SEL1L2: variants seen among roughly 807,000 people sequenced by gnomAD.
The protein encoded by SEL1L2 is protein sel-1 homolog 2.
In SEL1L2, 89 loss-of-function variants were observed where a neutral mutation model predicts 98.8. The ratio of observed to expected loss-of-function variants is 0.90; its 90% CI spans 0.76 to 1.07. The LOEUF (loss-of-function observed/expected upper bound fraction) is 1.07. Among genes scored for constraint, SEL1L2 ranks in the 50% least tolerant of loss-of-function variants. The pLI, the probability that SEL1L2 is intolerant of heterozygous loss-of-function variation, is 0.00. For missense variants in SEL1L2, 788 were observed against 812.0 expected (o/e 0.97, Z 0.36); for synonymous variants, 262 against 278.5 (o/e 0.94, Z 0.59).
At chr20:13,868,927 A>C (rs887040023) in intron 14 of SEL1L2, among the ~76,000 whole-genome samples, 9 of 151,196 alleles carry the variant, frequency 6.0e-5, no homozygotes, top group Non-Finnish European at 1.5e-5. Flanking sequence ...CAGGTTTCTC[A>C]CTGCATTTCA....
rs373938617 is a variant in SEL1L2, at chr20:13,866,873, G to A, written c.1256-23C>T. ...CAGCTGAAAATTAAAATTGTTTTGAGCCACCCCTTATTGACTTTATTTTTT... is the reference window on the plus strand; with the variant it reads ...CAGCTGAAAATTAAAATTGTTTTGAACCACCCCTTATTGACTTTATTTTTT... On this transcript the variant is annotated intron_variant, in intron 14 of 19. Transcript: ENST00000284951. 41 of 1,590,874 alleles carry A rather than the reference G, an allele frequency of 2.6e-5. No individual in the cohort carries two copies. In the East Asian group the frequency reaches 3.0e-4, roughly 11 times the overall value.
chr20:13,849,392 C>T lies in SEL1L2; in HGVS notation c.*93G>A, dbSNP rs1327674884. ...CACAGCCCTGAGCGGGAAACTGCAGCGGACTCTTGATTTGGATGGGAAACT... is the reference window on the plus strand; with the variant it reads ...CACAGCCCTGAGCGGGAAACTGCAGTGGACTCTTGATTTGGATGGGAAACT... On this transcript the variant is annotated 3_prime_UTR_variant, in exon 20 of 20. Coordinates refer to ENST00000284951, the MANE Select transcript of SEL1L2 (RefSeq NM_025229.2). 63 of 1,493,234 alleles carry T rather than the reference C, an allele frequency of 4.2e-5. 1 individual carries two copies. The highest frequency in any genetic ancestry group is 1.4e-4 in the East Asian group (6 of 43,970). The allele number at this position is 1,493,234 out of a possible 1,614,324, so 92.5% of individuals were successfully genotyped here. A position where few individuals can be genotyped will look rare whatever the true frequency, so the allele number is the denominator to read the frequency against.
At chr20:13,888,145 C>G in intron 6 of SEL1L2, 144 bp from the exon 7 acceptor site, 1 of 713,774 alleles carries the variant, frequency 1.4e-6, no homozygotes, top group South Asian at 1.9e-5. Context: ...ATTTCACTCT[C>G]CTTTGTAAAG....
chr20:13,933,035 C>G (rs569876208), intron 2 of SEL1L2, among the ~76,000 whole-genome samples: 1 of 151,832 alleles, frequency 6.6e-6, no homozygotes, highest in Non-Finnish European at 1.5e-5. Context: ...TGGTGAAACC[C>G]CGTCTCTACT....
intron 5 of SEL1L2, among the ~76,000 whole-genome samples, chr20:13,906,227 T>A (rs2047925148): frequency 6.6e-6 from 1 of 152,208 alleles, no homozygotes; most frequent in African/African-American, 2.4e-5. Flanking sequence ...TTTAAGGAAC[T>A]GTTACAGTAG....
At chr20:13,886,659 G>C (rs189583444) in intron 8 of SEL1L2, among the ~76,000 whole-genome samples, 2 of 152,014 alleles carry the variant, frequency 1.3e-5, no homozygotes, top group African/African-American at 4.8e-5. Context: ...AGGCAGAGGC[G>C]GGCAAATCAC....
intron 3 of SEL1L2, among the ~76,000 whole-genome samples, chr20:13,927,337 C>T (rs562358521): frequency 5.8e-4 from 88 of 152,326 alleles, no homozygotes; most frequent in African/African-American, 2.0e-3. Flanking sequence ...TTTCTTCATT[C>T]CAACTATGCG....
At chr20:13,917,726 A>T (rs1382125947) in intron 4 of SEL1L2, among the ~76,000 whole-genome samples, 1 of 151,028 alleles carries the variant, frequency 6.6e-6, no homozygotes, top group East Asian at 1.9e-4. Flanking sequence ...TTCTGTGTGA[A>T]AACAAGAGAT....
At chr20:13,977,226 T>C (rs1415495702) in intron 1 of SEL1L2, among the ~76,000 whole-genome samples, 4 of 151,868 alleles carry the variant, frequency 2.6e-5, no homozygotes, top group Non-Finnish European at 2.9e-5. Context: ...TTGTGGGGCT[T>C]GGGTGAGAGC....
At position 13,849,534 on chromosome 20, in the gene SEL1L2, C is replaced by T; in HGVS notation, c.2018G>A (p.Gly673Asp). The change falls in exon 20 of 20, where the codon GGC (glycine) becomes GAC (aspartate). Residue 673 changes from glycine (G) to aspartate (D), a missense_variant. Transcript: ENST00000284951. The part of the protein sequence containing the change: ...IGPHWDLFVI[G>D]LIVPGLILLL... ...CAAAATCAGCCCAGGAACAATGAGG[C>T]CAATCACAAATAAGTCCCAGTGTGG... 2 of 1,614,084 alleles carry T rather than the reference C, an allele frequency of 1.2e-6. No individual in the cohort carries two copies. The highest frequency in any genetic ancestry group is 8.5e-7 in the Non-Finnish European group (1 of 1,179,976).
intron 1 of SEL1L2, among the ~76,000 whole-genome samples, chr20:13,973,992 T>C (rs960721246): frequency 1.1e-4 from 17 of 152,238 alleles, no homozygotes; most frequent in African/African-American, 4.1e-4. Context: ...TGTGCCCTTA[T>C]TTTAAGAGTA....
At position 13,919,035 on chromosome 20, in the gene SEL1L2, T is replaced by A. The variant is rs200767636; in HGVS notation, c.372A>T (p.Gln124His). ...GIKVLQQSKS[Q>H]KQKEEAYLLF... ...TAAAGACTTACTCTTCTTTTTGTTTTTGGCTTTTAGACTGCTGGAGAACCT... is the reference window on the plus strand; with the variant it reads ...TAAAGACTTACTCTTCTTTTTGTTTATGGCTTTTAGACTGCTGGAGAACCT... Residue 124 changes from glutamine (Q) to histidine (H), a missense_variant, in exon 4 of 20, where the codon CAA (glutamine) becomes CAT (histidine). Physicochemically the swap from Gln to His is conservative, Grantham distance 24 (BLOSUM62 0). Transcript: ENST00000284951. 923 of 1,611,372 alleles carry A rather than the reference T, an allele frequency of 5.7e-4. No homozygotes were observed. Among genetic ancestry groups the A allele is most frequent in the Non-Finnish European group, 7.4e-4 (873 of 1,178,660 alleles).
chr20:13,883,055 C>T (rs1370995747), intron 10 of SEL1L2, among the ~76,000 whole-genome samples: 1 of 152,014 alleles, frequency 6.6e-6, no homozygotes, highest in Admixed American at 6.6e-5. Context: ...CTCCTGACCT[C>T]GTGATCCGCC....
intron 5 of SEL1L2, among the ~76,000 whole-genome samples, chr20:13,909,140 C>T (rs927098965): frequency 1.3e-5 from 2 of 151,072 alleles, no homozygotes; most frequent in Non-Finnish European, 2.9e-5. Context: ...TCTCTTTCTC[C>T]AGCTTCTTTA....
At chr20:13,964,074 C>A (rs2050912237) in intron 1 of SEL1L2, among the ~76,000 whole-genome samples, 2 of 152,134 alleles carry the variant, frequency 1.3e-5, no homozygotes, top group South Asian at 4.2e-4. Context: ...TGGGGGTTCA[C>A]CATGTTGGCC....
At chr20:13,920,598 C>T (rs2048621698) in intron 3 of SEL1L2, among the ~76,000 whole-genome samples, 1 of 152,102 alleles carries the variant, frequency 6.6e-6, no homozygotes, top group Non-Finnish European at 1.5e-5. Flanking sequence ...CACACACACA[C>T]ACACACATAC....
chr20:13,923,418 TTGTGGCCTTGTG>T (rs1309370535), intron 3 of SEL1L2, among the ~76,000 whole-genome samples: 3 of 152,222 alleles, frequency 2.0e-5, no homozygotes, highest in Non-Finnish European at 2.9e-5. Context: ...GAAACTTGTT[TTGTGGCCTTGTG>T]TGTGGCCAAT....
At chr20:13,938,639 C>T (rs2049576196) in intron 2 of SEL1L2, among the ~76,000 whole-genome samples, 1 of 152,066 alleles carries the variant, frequency 6.6e-6, no homozygotes, top group Non-Finnish European at 1.5e-5. Context: ...ACATTCCTCA[C>T]ATCGTATTTT....
At chr20:13,922,937 G>C (rs1442664916) in intron 3 of SEL1L2, among the ~76,000 whole-genome samples, 2 of 152,182 alleles carry the variant, frequency 1.3e-5, no homozygotes, top group African/African-American at 4.8e-5. Context: ...AGGGTTTCAG[G>C]AGAGGTTTAG....
Sources: gnomAD v4.1 joint callset for allele counts (sites outside exome capture counted in the v4.1 genomes callset) on GRCh38, gnomAD v4.1.1 for gene constraint, MANE v1.5 for transcripts, NCBI Gene and HGNC (gene_info 2026-07-23, HGNC 2026-07-21) for gene names.